The following CNTN5 variants were observed in gnomAD, a reference collection of about 807,000 sequenced individuals.
CNTN5 encodes the protein contactin 5, also known as contactin-5.
Under a neutral mutation model 129.1 loss-of-function variants are expected in CNTN5, and 77 were observed. That is an observed-to-expected ratio of 0.60 (90% CI 0.50 to 0.72). The LOEUF (loss-of-function observed/expected upper bound fraction) is 0.72, where lower values mean the gene tolerates loss of function less well. CNTN5 is among the 30% of genes least tolerant of loss of function. CNTN5 has a pLI of 0.00. For synonymous variants in CNTN5, 509 were observed against 465.6 expected (o/e 1.09, Z -1.20); for missense variants, 1,478 against 1,328.8 (o/e 1.11, Z -1.75).
intron 3 of CNTN5, among the ~76,000 whole-genome samples, chr11:99,770,479 G>A (rs539467805): frequency 3.6e-4 from 55 of 152,024 alleles, no homozygotes; most frequent in African/African-American, 1.3e-3. Context: ...GCTTTAACAT[G>A]TTCTGGAATA....
chr11:99,710,124 C>A (rs1230024915), intron 3 of CNTN5, among the ~76,000 whole-genome samples: 1 of 151,774 alleles, frequency 6.6e-6, no homozygotes, highest in Non-Finnish European at 1.5e-5. Flanking sequence ...TCCCTGAACT[C>A]ACTCATAGAT....
At chr11:99,505,446 G>A (rs1051224572) in intron 2 of CNTN5, among the ~76,000 whole-genome samples, 1 of 152,188 alleles carries the variant, frequency 6.6e-6, no homozygotes, top group South Asian at 2.1e-4. Flanking sequence ...AAACAAGTAT[G>A]ATGTGGGAAG....
chr11:99,582,480 T>C (rs897084554), intron 3 of CNTN5, among the ~76,000 whole-genome samples: 1 of 152,212 alleles, frequency 6.6e-6, no homozygotes, highest in African/African-American at 2.4e-5. Flanking sequence ...ACATAGATTT[T>C]GTCTTTTCAC....
In CNTN5 at chr11:99,843,915, C is replaced by T. The variant is rs558145490; in HGVS notation, c.278-937C>T. Among the ~76,000 whole-genome samples, 9 of 152,306 alleles carry T rather than the reference C, an allele frequency of 5.9e-5. No homozygotes were observed. The East Asian group carries it at 1.2e-3, about 20-fold the overall frequency. ...TTCACTATGCTATAGATCTTAGATA[C>T]GCACACGATGCTCTGAATGCTTACG... On this transcript the variant is annotated intron_variant, in intron 4 of 24. Coordinates refer to ENST00000524871, the MANE Select transcript of CNTN5 (RefSeq NM_014361.4).
At chr11:100,193,069 A>G (rs1948537490) in intron 14 of CNTN5, among the ~76,000 whole-genome samples, 1 of 151,898 alleles carries the variant, frequency 6.6e-6, no homozygotes, top group Non-Finnish European at 1.5e-5. Context: ...TCTCATCTTT[A>G]AGCAAGTGAA....
chr11:99,904,184 G>A (rs913857153), intron 6 of CNTN5, among the ~76,000 whole-genome samples: 2 of 152,052 alleles, frequency 1.3e-5, no homozygotes, highest in African/African-American at 2.4e-5. Context: ...GAATGTGCAG[G>A]TTTGTAACAT....
chr11:99,545,269 T>C (rs900657863), intron 2 of CNTN5, among the ~76,000 whole-genome samples: 19 of 152,234 alleles, frequency 1.2e-4, no homozygotes, highest in Admixed American at 5.9e-4. Context: ...ATTCCCAGTT[T>C]AACTATGTGC....
At chr11:100,237,359 A>C (rs904430264) in intron 16 of CNTN5, among the ~76,000 whole-genome samples, 1 of 152,182 alleles carries the variant, frequency 6.6e-6, no homozygotes, top group Non-Finnish European at 1.5e-5. Flanking sequence ...TCTGTGTTCC[A>C]AAATACTAAA....
chr11:100,006,772 A>G (rs1386372630), intron 9 of CNTN5, among the ~76,000 whole-genome samples: 2 of 152,062 alleles, frequency 1.3e-5, no homozygotes, highest in Non-Finnish European at 2.9e-5. Flanking sequence ...TTAATGGTAT[A>G]TAGAATGGCG....
rs1369179348 is a variant in CNTN5, at chr11:99,406,269, C to T, written c.-71+80785C>T. 2.0e-5 allele frequency among the ~76,000 whole-genome samples: 3 copies of T among 152,110 alleles called. No homozygotes were observed. In the East Asian group the frequency reaches 5.9e-4, roughly 30 times the overall value. ...TATCTGCTTGAAGGGGCACCCCAAG[C>T]CCAATAATGCTGTGGTTCTTATAGA... On this transcript the variant is annotated intron_variant, in intron 2 of 24. Coordinates refer to ENST00000524871, the MANE Select transcript of CNTN5 (RefSeq NM_014361.4).
chr11:99,225,839 A>G (rs1860652640), intron 1 of CNTN5, among the ~76,000 whole-genome samples: 1 of 152,314 alleles, frequency 6.6e-6, no homozygotes, highest in South Asian at 2.1e-4. Flanking sequence ...ATTTTATTTC[A>G]TAACACATAT....
intron 8 of CNTN5, among the ~76,000 whole-genome samples, chr11:99,993,930 G>A (rs374044764): frequency 6.6e-6 from 1 of 152,176 alleles, no homozygotes; most frequent in East Asian, 1.9e-4. Flanking sequence ...ATTTCTTGCA[G>A]TATAGCCCAA....
At chr11:99,040,123 A>T (rs1043849924) in intron 1 of CNTN5, among the ~76,000 whole-genome samples, 1 of 152,168 alleles carries the variant, frequency 6.6e-6, no homozygotes, top group African/African-American at 2.4e-5. Flanking sequence ...TATTTTGCCA[A>T]GGTACCTCCA....
chr11:100,062,347 T>C (rs1373137743), intron 10 of CNTN5, among the ~76,000 whole-genome samples: 1 of 152,198 alleles, frequency 6.6e-6, no homozygotes, highest in African/African-American at 2.4e-5. Flanking sequence ...AAGAGTATTT[T>C]GAAATATTAA....
At chr11:99,086,464 A>C (rs1866009524) in intron 1 of CNTN5, among the ~76,000 whole-genome samples, 1 of 152,162 alleles carries the variant, frequency 6.6e-6, no homozygotes, top group African/African-American at 2.4e-5. Flanking sequence ...CAGAAGGTGA[A>C]GTGGGGGGCC....
Position 99,430,740 on chromosome 11 carries a change from G to C in CNTN5, c.-71+105256G>C, listed in dbSNP as rs192766000. 8.8e-4 allele frequency among the ~76,000 whole-genome samples: 133 copies of C among 151,798 alleles called. 1 individual carries two copies. Among genetic ancestry groups the C allele is most frequent in the African/African-American group, 3.0e-3 (126 of 41,438 alleles). ...GGCCTCCAAAACAAAAGGTTGGGGGGGCGGGGAGAAAAAGACAAGGAAGAA... is the reference window on the plus strand; with the variant it reads ...GGCCTCCAAAACAAAAGGTTGGGGGCGCGGGGAGAAAAAGACAAGGAAGAA... On this transcript the variant is annotated intron_variant, in intron 2 of 24. Transcript: ENST00000524871.
At chr11:100,012,752 C>A (rs996455175) in intron 9 of CNTN5, among the ~76,000 whole-genome samples, 3 of 152,164 alleles carry the variant, frequency 2.0e-5, no homozygotes, top group Non-Finnish European at 4.4e-5. Context: ...ACATTATATT[C>A]TGAATGCCCT....
intron 9 of CNTN5, among the ~76,000 whole-genome samples, chr11:100,046,992 C>G (rs1191680697): frequency 3.9e-5 from 6 of 152,002 alleles, no homozygotes; most frequent in Non-Finnish European, 8.8e-5. Flanking sequence ...AGAGGGAGAT[C>G]AGTGAAGCTG....
chr11:99,427,703 T>G (rs1943188714), intron 2 of CNTN5, among the ~76,000 whole-genome samples: 1 of 143,282 alleles, frequency 7.0e-6, no homozygotes, highest in African/African-American at 2.7e-5. Flanking sequence ...GAGGCAGAAG[T>G]TGCAGTGAGA....
Sources: gnomAD v4.1 joint callset for allele counts (sites outside exome capture counted in the v4.1 genomes callset) on GRCh38, gnomAD v4.1.1 for gene constraint, MANE v1.5 for transcripts, NCBI Gene and HGNC (gene_info 2026-07-23, HGNC 2026-07-21) for gene names.